The following WNT3 variants were observed in gnomAD, a reference collection of about 807,000 sequenced individuals.
WNT3 encodes proto-oncogene Wnt-3.
WNT3 carries 7 observed loss-of-function variants against 34.2 expected under a neutral mutation model. That is an observed-to-expected ratio of 0.20 (90% CI 0.12 to 0.38). The LOEUF (loss-of-function observed/expected upper bound fraction) is 0.38, where lower values mean the gene tolerates loss of function less well. Among genes scored for constraint, WNT3 ranks in the 10% least tolerant of loss-of-function variants. The probability of loss-of-function intolerance (pLI) is 1.00; values close to 1 mark genes in which losing one functional copy is unlikely to be tolerated. For missense variants in WNT3, 267 were observed against 499.8 expected (o/e 0.53, Z 4.44); for synonymous variants, 212 against 211.5 (o/e 1.00, Z -0.02).
intron 1 of WNT3, among the ~76,000 whole-genome samples, chr17:46,786,126 C>G (rs189881340): frequency 8.6e-6 from 1 of 116,710 alleles, no homozygotes; most frequent in African/African-American, 3.3e-5. Flanking sequence ...GAGGAGGGTG[C>G]GAGAGAGGGA....
chr17:46,802,089 A>G (rs1334834863), intron 1 of WNT3, among the ~76,000 whole-genome samples: 3 of 152,182 alleles, frequency 2.0e-5, no homozygotes, highest in African/African-American at 7.2e-5. Flanking sequence ...TAAAATATAT[A>G]TTTGGTCTTC....
intron 2 of WNT3, among the ~76,000 whole-genome samples, chr17:46,771,704 C>G (rs1408361193): frequency 7.0e-6 from 1 of 143,314 alleles, no homozygotes; most frequent in Non-Finnish European, 1.5e-5. Context: ...GGCCGGGCCG[C>G]GCCCCCGGCC....
At chr17:46,778,550 G>C (rs111976622) in intron 1 of WNT3, among the ~76,000 whole-genome samples, 1 of 151,800 alleles carries the variant, frequency 6.6e-6, no homozygotes, top group Non-Finnish European at 1.5e-5. Flanking sequence ...CCTCCTGCCC[G>C]CACACTGCTG....
intron 1 of WNT3, among the ~76,000 whole-genome samples, chr17:46,784,360 G>A (rs1686905702): frequency 6.6e-6 from 1 of 152,208 alleles, no homozygotes; most frequent in African/African-American, 2.4e-5. Context: ...TAGAGACAGA[G>A]CTGGGCCCAA....
intron 1 of WNT3, among the ~76,000 whole-genome samples, chr17:46,775,257 G>A (rs751783703): frequency 6.6e-6 from 1 of 152,250 alleles, no homozygotes; most frequent in Non-Finnish European, 1.5e-5. Context: ...GGTTTAGAGA[G>A]TGAATTAGCT....
intron 1 of WNT3, among the ~76,000 whole-genome samples, chr17:46,787,823 G>A (rs1320954008): frequency 1.3e-5 from 2 of 152,154 alleles, no homozygotes; most frequent in Non-Finnish European, 2.9e-5. Flanking sequence ...AGGCGTGGTG[G>A]TGGGCACCTG....
intron 1 of WNT3, among the ~76,000 whole-genome samples, chr17:46,781,970 G>A (rs1484112940): frequency 6.6e-6 from 1 of 152,206 alleles, no homozygotes; most frequent in Non-Finnish European, 1.5e-5. Flanking sequence ...TAACCTGGGG[G>A]TGATGAATGC....
At chr17:46,779,101 A>ACACACACACC (rs1555683652) in intron 1 of WNT3, among the ~76,000 whole-genome samples, 3 of 139,976 alleles carry the variant, frequency 2.1e-5, no homozygotes, top group Non-Finnish European at 3.0e-5. Context: ...ACACACACAC[A>ACACACACACC]CACCCCAGCC....
rs780318283 is a variant in WNT3 at position 46,768,516 on chromosome 17, C to T, written c.872G>A (p.Gly291Asp). ...AGTCCGGTCCCTTGTGCCAAAGGAA[C>T]CCGTCTCTGGGTTGGGCTCACAAAA... Reference protein sequence around the residue: ...PNFCEPNPETGSFGTRDRTCN... With the variant: ...PNFCEPNPETDSFGTRDRTCN... Residue 291 changes from glycine (G) to aspartate (D), a missense_variant, in exon 4 of 5, where the codon GGT (glycine) becomes GAT (aspartate). Gly to Asp is a moderately conservative substitution (Grantham distance 94). This residue lies in a region of WNT3 where 181 missense variants were observed against 391.3 expected (regional missense o/e 0.46). Transcript: ENST00000225512. This position sits in a 1 kb window ranked among gnomAD's most constrained non-coding sequence, Gnocchi z 5.0. 3 of 1,614,168 alleles carry T rather than the reference C, an allele frequency of 1.9e-6. No individual in the cohort carries two copies. Among genetic ancestry groups the T allele is most frequent in the Non-Finnish European group, 2.5e-6 (3 of 1,180,044 alleles).
At chr17:46,814,792 C>G (rs1051100890) in intron 1 of WNT3, among the ~76,000 whole-genome samples, 2 of 152,202 alleles carry the variant, frequency 1.3e-5, no homozygotes, top group African/African-American at 4.8e-5. Context: ...TGTTCACAAG[C>G]CTCTGAAAGG....
chr17:46,800,257 C>T (rs2084107304), intron 1 of WNT3, among the ~76,000 whole-genome samples: 1 of 152,110 alleles, frequency 6.6e-6, no homozygotes, highest in Non-Finnish European at 1.5e-5. Flanking sequence ...ATTACAGCTG[C>T]CCACCACCAC....
intron 1 of WNT3, among the ~76,000 whole-genome samples, chr17:46,779,768 T>C (rs2059444602): frequency 6.6e-6 from 1 of 152,068 alleles, no homozygotes. Flanking sequence ...ACCTTTTTTT[T>C]TCTTTTTTTG....
intron 1 of WNT3, among the ~76,000 whole-genome samples, chr17:46,781,668 C>T (rs574405603): frequency 1.3e-5 from 2 of 152,098 alleles, no homozygotes; most frequent in African/African-American, 4.8e-5. Flanking sequence ...GATGGTCACA[C>T]AGCATTGGAA....
At chr17:46,793,184 G>A (rs1203441403) in intron 1 of WNT3, among the ~76,000 whole-genome samples, 1 of 147,110 alleles carries the variant, frequency 6.8e-6, no homozygotes, top group Non-Finnish European at 1.5e-5. Context: ...TGAGTTGGGA[G>A]GATTGCTTGA....
At chr17:46,785,048 A>T (rs1186900420) in intron 1 of WNT3, among the ~76,000 whole-genome samples, 1 of 151,972 alleles carries the variant, frequency 6.6e-6, no homozygotes, top group Non-Finnish European at 1.5e-5. Flanking sequence ...AAGTGCTGGG[A>T]TTACAGGCGT....
At chr17:46,797,123 G>A (rs377091402) in intron 1 of WNT3, among the ~76,000 whole-genome samples, 2 of 152,312 alleles carry the variant, frequency 1.3e-5, no homozygotes, top group South Asian at 2.1e-4. Context: ...CTAATGAGCT[G>A]CTAATATTCA....
intron 3 of WNT3, 45 bp downstream of exon 3, chr17:46,769,738 G>A: frequency 6.2e-7 from 1 of 1,601,132 alleles, no homozygotes; most frequent in Non-Finnish European, 8.5e-7. Flanking sequence ...GAGGGGAAGC[G>A]GGGGGCTGCT....
In WNT3 at chr17:46,773,876, C is replaced by A; in HGVS notation, c.114G>T (p.Leu38=). ...AGCCGCAGAGCAGGGGCTGTGAGCC[C>A]AGAGATGTGTACTGCTGGCCCAGGG... ...SLALGQQYTS[L]GSQPLLCGSI... The change falls in exon 2 of 5, where the codon CTG becomes CTT. Residue 38 remains leucine (L), a synonymous_variant. Coordinates refer to ENST00000225512, the MANE Select transcript of WNT3 (RefSeq NM_030753.5). 1 of 1,612,536 alleles carries A rather than the reference C, an allele frequency of 6.2e-7. No homozygotes were observed. The highest frequency in any genetic ancestry group is 8.5e-7 in the Non-Finnish European group (1 of 1,179,978).
intron 4 of WNT3, among the ~76,000 whole-genome samples, chr17:46,767,378 T>TA (rs2059322815): frequency 6.6e-6 from 1 of 152,184 alleles, no homozygotes; most frequent in Non-Finnish European, 1.5e-5. Flanking sequence ...TATGGGCTTA[T>TA]ATGCCGCTTC....
Sources: allele counts gnomAD v4.1 joint callset (sites outside exome capture counted in the v4.1 genomes callset), GRCh38; gene constraint gnomAD v4.1.1; regional missense constraint gnomAD v4.1.1; non-coding constraint Gnocchi (gnomAD v3.1); transcripts MANE v1.5; gene names NCBI Gene and HGNC (gene_info 2026-07-23, HGNC 2026-07-21).